Variants in CSMD1 observed in about 807,000 individuals in gnomAD.
The protein encoded by CSMD1 is CUB and Sushi multiple domains 1.
A neutral mutation model predicts 417.5 loss-of-function variants in CSMD1; 213 were observed. That is an observed-to-expected ratio of 0.51 (90% CI 0.46 to 0.57). The LOEUF is 0.57. Among genes scored for constraint, CSMD1 ranks in the 20% least tolerant of loss-of-function variants. The pLI, the probability that CSMD1 is intolerant of heterozygous loss-of-function variation, is 0.00. For missense variants in CSMD1, 6,923 were observed against 4,529.7 expected (o/e 1.53, Z -15.17); for synonymous variants, 2,862 against 1,736.8 (o/e 1.65, Z -16.11).
At chr8:3,944,442 G>C (rs936779379) in intron 5 of CSMD1, among the ~76,000 whole-genome samples, 1 of 152,060 alleles carries the variant, frequency 6.6e-6, no homozygotes, top group Non-Finnish European at 1.5e-5. Flanking sequence ...GATAAAATAA[G>C]CCTTTCTAGT....
chr8:4,837,288 T>C (rs115865470), intron 1 of CSMD1, among the ~76,000 whole-genome samples: 2,441 of 152,272 alleles, frequency 0.016, 61 homozygotes, highest in African/African-American at 0.055. Context: ...CAAGAGATAA[T>C]CTGCACTTCT....
At chr8:4,891,122 G>C (rs767625794) in intron 1 of CSMD1, among the ~76,000 whole-genome samples, 2 of 152,158 alleles carry the variant, frequency 1.3e-5, no homozygotes, top group Non-Finnish European at 2.9e-5. Flanking sequence ...CCTGAGAGCA[G>C]AGGCTGATGC....
In CSMD1 at chr8:4,144,319, G is replaced by A. The variant is rs1439722865; in HGVS notation, c.416-112220C>T. The stretch of plus-strand genomic sequence containing the variant: ...AGGATACCCCACTTAAACATGTCCT[G>A]GCCATATTCATTCTACTTCTCTTCT... On this transcript the variant is annotated intron_variant, in intron 3 of 69. Transcript: ENST00000635120. Among the ~76,000 whole-genome samples, 7 of 151,078 alleles carry A rather than the reference G, an allele frequency of 4.6e-5. No homozygotes were observed. In the East Asian group the frequency reaches 7.7e-4, roughly 17 times the overall value.
At chr8:4,890,538 C>G (rs951850730) in intron 1 of CSMD1, among the ~76,000 whole-genome samples, 3 of 149,638 alleles carry the variant, frequency 2.0e-5, no homozygotes, top group Non-Finnish European at 4.4e-5. Flanking sequence ...CTCTGACACC[C>G]TCCTCTCCTT....
At chr8:3,989,087 T>C (rs1452582663) in intron 5 of CSMD1, among the ~76,000 whole-genome samples, 1 of 152,224 alleles carries the variant, frequency 6.6e-6, no homozygotes, top group Non-Finnish European at 1.5e-5. Flanking sequence ...TGGCACTGTT[T>C]CTTACAGCAG....
At chr8:4,930,303 G>C (rs1807160462) in intron 1 of CSMD1, among the ~76,000 whole-genome samples, 1 of 151,958 alleles carries the variant, frequency 6.6e-6, no homozygotes, top group African/African-American at 2.4e-5. Flanking sequence ...ATATGCAATT[G>C]GTGTGATATT....
intron 3 of CSMD1, among the ~76,000 whole-genome samples, chr8:4,041,964 TAAAAG>T (rs940450725): frequency 2.0e-5 from 3 of 151,314 alleles, no homozygotes; most frequent in Non-Finnish European, 2.9e-5. Flanking sequence ...AAATGAAACA[TAAAAG>T]AAAAAAGAAA....
chr8:3,799,187 A>C (rs1270387833), intron 5 of CSMD1, among the ~76,000 whole-genome samples: 1 of 152,116 alleles, frequency 6.6e-6, no homozygotes, highest in Admixed American at 6.6e-5. Flanking sequence ...ATCATAAGAA[A>C]AAGAGGAATA....
intron 2 of CSMD1, among the ~76,000 whole-genome samples, chr8:4,624,526 C>A: frequency 6.6e-6 from 1 of 152,206 alleles, no homozygotes; most frequent in East Asian, 1.9e-4. Context: ...TGCCTTTGGC[C>A]TGCACTGGAA....
At chr8:3,962,386 T>G (rs1373970956) in intron 5 of CSMD1, among the ~76,000 whole-genome samples, 1 of 152,192 alleles carries the variant, frequency 6.6e-6, no homozygotes, top group Non-Finnish European at 1.5e-5. Context: ...GCACGGGCGT[T>G]GTCACCACGC....
intron 3 of CSMD1, among the ~76,000 whole-genome samples, chr8:4,359,648 C>G (rs543608521): frequency 1.3e-5 from 2 of 152,282 alleles, no homozygotes; most frequent in South Asian, 4.1e-4. Context: ...GCTCCCCTTG[C>G]AAATGTGTGT....
intron 3 of CSMD1, among the ~76,000 whole-genome samples, chr8:4,395,306 A>G (rs539381512): frequency 2.6e-5 from 4 of 152,314 alleles, no homozygotes; most frequent in African/African-American, 9.6e-5. Context: ...ATTCTTCATA[A>G]CTTCAGCCCC....
intron 3 of CSMD1, among the ~76,000 whole-genome samples, chr8:4,199,292 A>C (rs139860359): frequency 9.8e-5 from 15 of 152,306 alleles, no homozygotes; most frequent in Admixed American, 7.8e-4. Flanking sequence ...ATTGATATGC[A>C]GGCAGTGTAT....
intron 5 of CSMD1, among the ~76,000 whole-genome samples, chr8:3,798,148 A>G (rs568496498): frequency 6.6e-6 from 1 of 152,092 alleles, no homozygotes; most frequent in South Asian, 2.1e-4. Flanking sequence ...TGTTTAGTGC[A>G]TCATATGTAG....
chr8:3,475,004 A>T (rs1049800086), intron 11 of CSMD1, among the ~76,000 whole-genome samples: 6 of 152,098 alleles, frequency 3.9e-5, no homozygotes, highest in Admixed American at 6.5e-5. Flanking sequence ...GTCATCTCCC[A>T]GGCGTGTTCA....
chr8:3,912,746 C>CT lies in CSMD1; in HGVS notation c.818+85156dup, dbSNP rs560632012. Among the ~76,000 whole-genome samples, 149 of 152,306 alleles carry CT rather than the reference C, an allele frequency of 9.8e-4. 1 individual carries two copies. The highest frequency in any genetic ancestry group is 3.1e-3 in the African/African-American group (129 of 41,564). On this transcript the variant is annotated intron_variant, in intron 5 of 69. Transcript: ENST00000635120. Reference sequence around the variant, plus strand: ...TCCAAGATGAGCCTGAAGAGGCAGACTGCAGTCTGCTCTTGTAGCTCAAGG... The same window carrying CT: ...TCCAAGATGAGCCTGAAGAGGCAGACTTGCAGTCTGCTCTTGTAGCTCAAGG...
intron 2 of CSMD1, among the ~76,000 whole-genome samples, chr8:4,435,395 T>A (rs1798094540): frequency 6.6e-6 from 1 of 152,200 alleles, no homozygotes; most frequent in Non-Finnish European, 1.5e-5. Flanking sequence ...CAGTGTGATA[T>A]CACTCCAAAG....
intron 1 of CSMD1, among the ~76,000 whole-genome samples, chr8:4,689,821 G>T (rs1806649142): frequency 1.3e-5 from 2 of 152,114 alleles, no homozygotes; most frequent in African/African-American, 4.8e-5. Context: ...GGTCACAAAA[G>T]TCCCTTTCTG....
At chr8:4,894,997 G>C (rs1024828019) in intron 1 of CSMD1, among the ~76,000 whole-genome samples, 1 of 152,088 alleles carries the variant, frequency 6.6e-6, no homozygotes, top group Non-Finnish European at 1.5e-5. Context: ...TACTGCCTTC[G>C]GCAAGTAACT....
Sources: gnomAD v4.1 joint callset for allele counts (sites outside exome capture counted in the v4.1 genomes callset) on GRCh38, gnomAD v4.1.1 for gene constraint, MANE v1.5 for transcripts, NCBI Gene and HGNC (gene_info 2026-07-23, HGNC 2026-07-21) for gene names.